SLC13A3: variants seen among roughly 807,000 people sequenced by gnomAD.
SLC13A3 encodes the protein solute carrier family 13 member 3.
A neutral mutation model predicts 59.0 loss-of-function variants in SLC13A3; 40 were observed. The ratio of observed to expected loss-of-function variants is 0.68; its 90% CI spans 0.53 to 0.88. SLC13A3 has a LOEUF of 0.88. Ranked by LOEUF, SLC13A3 falls within the 40% of genes least tolerant of loss-of-function variation. The probability of loss-of-function intolerance (pLI) is 0.00; values close to 1 mark genes in which losing one functional copy is unlikely to be tolerated. For missense variants in SLC13A3, 699 were observed against 783.2 expected (o/e 0.89, Z 1.28); for synonymous variants, 317 against 330.3 (o/e 0.96, Z 0.44).
In SLC13A3 at chr20:46,592,395, G is replaced by A; in HGVS notation, c.920+9C>T. On this transcript the variant is annotated intron_variant, in intron 6 of 12. Coordinates refer to ENST00000279027, the MANE Select transcript of SLC13A3 (RefSeq NM_022829.6). ...CCCACTCTATTGCCAAAAAGAAAATGAGAGGTACCTGAAGCTCAGTCCCCC... is the reference window on the plus strand; with the variant it reads ...CCCACTCTATTGCCAAAAAGAAAATAAGAGGTACCTGAAGCTCAGTCCCCC... The A allele has an allele frequency of 6.2e-7, 1 of 1,613,634 alleles. No individual in the cohort carries two copies. The highest frequency in any genetic ancestry group is 8.5e-7 in the Non-Finnish European group (1 of 1,179,778).
At chr20:46,659,393 T>C (rs2063013147) in intron 1 of SLC13A3, among the ~76,000 whole-genome samples, 1 of 152,206 alleles carries the variant, frequency 6.6e-6, no homozygotes, top group Non-Finnish European at 1.5e-5. Flanking sequence ...TGCACAATGA[T>C]ATATTATTTT....
intron 2 of SLC13A3, among the ~76,000 whole-genome samples, chr20:46,610,945 C>T (rs1170433789): frequency 7.2e-5 from 11 of 152,056 alleles, no homozygotes; most frequent in African/African-American, 2.4e-4. Context: ...TCATGGCCTT[C>T]TCAGCTTCCT....
upstream of SLC13A3, among the ~76,000 whole-genome samples, chr20:46,674,604 C>CGCGCGCGCGCGTGTGTGT (rs370861850): frequency 7.8e-5 from 10 of 127,880 alleles, no homozygotes; most frequent in African/African-American, 2.8e-4. Context: ...CGCGCGCGCG[C>CGCGCGCGCGCGTGTGTGT]GTGTGTGTGT....
At chr20:46,673,443 G>A (rs2063104120), upstream of SLC13A3, among the ~76,000 whole-genome samples, 1 of 152,046 alleles carries the variant, frequency 6.6e-6, no homozygotes, top group South Asian at 2.1e-4. Flanking sequence ...TGTCCTCTTT[G>A]CAGCCTTCTT....
In SLC13A3 at chr20:46,557,845, T is replaced by C. The variant is rs1388873609; in HGVS notation, c.*2177A>G. 2 of 152,132 alleles carry C rather than the reference T, an allele frequency of 1.3e-5. No individual in the cohort carries two copies. The highest frequency in any genetic ancestry group is 2.4e-5 in the African/African-American group (1 of 41,428). 9.4% of individuals were successfully genotyped at this position (152,132 alleles called of 1,614,324 possible). ...ATGACAGGTTCCCAATAAATGTTTA[T>C]TGAATGAATAAATGGAAGAAGGAGT... On this transcript the variant is annotated 3_prime_UTR_variant, in exon 13 of 13. Coordinates refer to ENST00000279027, the MANE Select transcript of SLC13A3 (RefSeq NM_022829.6).
intron 9 of SLC13A3, among the ~76,000 whole-genome samples, chr20:46,577,842 C>T (rs2062094353): frequency 6.6e-6 from 1 of 152,228 alleles, no homozygotes; most frequent in Non-Finnish European, 1.5e-5. Flanking sequence ...GGGCCAGTGT[C>T]ACTACCTTTC....
intron 1 of SLC13A3, among the ~76,000 whole-genome samples, chr20:46,631,541 C>T (rs2062737137): frequency 6.6e-6 from 1 of 152,098 alleles, no homozygotes; most frequent in African/African-American, 2.4e-5. Context: ...CACGCGTGAC[C>T]CTGAGTGAGC....
At chr20:46,589,730 C>G (rs1033084039) in intron 6 of SLC13A3, among the ~76,000 whole-genome samples, 1 of 152,070 alleles carries the variant, frequency 6.6e-6, no homozygotes, top group Admixed American at 6.5e-5. Flanking sequence ...ACAGGCGTAC[C>G]AAGACTGAAT....
chr20:46,579,627 TG>T (rs1158783377), intron 9 of SLC13A3, among the ~76,000 whole-genome samples: 3 of 152,216 alleles, frequency 2.0e-5, no homozygotes, highest in Non-Finnish European at 4.4e-5. Context: ...TGGGAAATGC[TG>T]GAAACTCCAG....
chr20:46,608,388 C>T (rs1312942405), intron 3 of SLC13A3, among the ~76,000 whole-genome samples: 1 of 152,184 alleles, frequency 6.6e-6, no homozygotes, highest in East Asian at 1.9e-4. Flanking sequence ...TGAGTAGTTG[C>T]AACAGAGTGG....
In SLC13A3 at chr20:46,566,378, A is replaced by C. The variant is rs1176540650; in HGVS notation, c.1345T>G (p.Ser449Ala). 6.2e-7 allele frequency: 1 copy of C among 1,612,692 alleles called. No homozygotes were observed. The highest frequency in any genetic ancestry group is 8.5e-7 in the Non-Finnish European group (1 of 1,179,054). The stretch of plus-strand genomic sequence containing the variant: ...TGCAGCTGCCCACCAATCCATACAG[A>C]CAGCCCCGATTCCTGCGGAGGGAAA... The part of the protein sequence containing the change: ...MAKGCEESGL[S>A]VWIGGQLHPL... Residue 449 changes from serine (S) to alanine (A), a missense_variant, in exon 11 of 13, where the codon TCT becomes GCT. Coordinates refer to ENST00000279027, the MANE Select transcript of SLC13A3 (RefSeq NM_022829.6).
At chr20:46,679,856 C>T (rs773801569) in intron 1 of SLC13A3, among the ~76,000 whole-genome samples, 7 of 150,322 alleles carry the variant, frequency 4.7e-5, no homozygotes, top group Non-Finnish European at 8.9e-5. Context: ...TGTGATGAGC[C>T]GAAATCACAC....
intron 1 of SLC13A3, among the ~76,000 whole-genome samples, chr20:46,627,186 A>G (rs1246901003): frequency 7.2e-5 from 11 of 152,250 alleles, no homozygotes; most frequent in Admixed American, 7.2e-4. Context: ...TAAAAGAATG[A>G]ATAAATGATA....
intron 1 of SLC13A3, among the ~76,000 whole-genome samples, chr20:46,683,279 T>C (rs1485915299): frequency 2.6e-5 from 4 of 152,142 alleles, no homozygotes; most frequent in African/African-American, 4.8e-5. Flanking sequence ...AAAATCCAGC[T>C]GCAAACATAG....
intron 1 of SLC13A3, among the ~76,000 whole-genome samples, chr20:46,656,956 G>C (rs529191703): frequency 7.2e-5 from 11 of 151,908 alleles, no homozygotes; most frequent in African/African-American, 2.7e-4. Flanking sequence ...ATTCTTCTTT[G>C]TACCTTCTAT....
At chr20:46,640,820 G>A (rs1043940123) in intron 1 of SLC13A3, among the ~76,000 whole-genome samples, 3 of 152,130 alleles carry the variant, frequency 2.0e-5, no homozygotes, top group African/African-American at 7.2e-5. Context: ...AAGGTCTGGC[G>A]GTGTCAGAGA....
At chr20:46,602,596 A>C (rs116247965) in intron 3 of SLC13A3, among the ~76,000 whole-genome samples, 153 of 152,234 alleles carry the variant, frequency 1.0e-3, no homozygotes, top group African/African-American at 3.5e-3. Flanking sequence ...AGCGAGGGCC[A>C]ATTCTGTACC....
chr20:46,563,633 G>GAGAGACC, intron 11 of SLC13A3, 82 bp from the exon 12 acceptor site: 4 of 396,672 alleles, frequency 1.0e-5, no homozygotes, highest in Non-Finnish European at 1.1e-5. Flanking sequence ...AGAGAGAGAG[G>GAGAGACC]CAGTTGGAAA....
intron 1 of SLC13A3, among the ~76,000 whole-genome samples, chr20:46,625,793 C>T (rs770581536): frequency 6.6e-6 from 1 of 152,176 alleles, no homozygotes. Context: ...TTTTGCTCAG[C>T]GTGATGTCTG....
Sources: allele counts gnomAD v4.1 joint callset (sites outside exome capture counted in the v4.1 genomes callset), GRCh38; gene constraint gnomAD v4.1.1; transcripts MANE v1.5; gene names NCBI Gene and HGNC (gene_info 2026-07-23, HGNC 2026-07-21).